Variants in CHM observed in about 807,000 individuals in gnomAD.
CHM encodes the protein CHM Rab escort protein.
A neutral mutation model predicts 49.0 loss-of-function variants in CHM; 10 were observed. The observed-to-expected ratio is 0.20, with a 90% CI of 0.13 to 0.35. The LOEUF (loss-of-function observed/expected upper bound fraction) is 0.35, where lower values mean the gene tolerates loss of function less well. CHM is among the 10% of genes least tolerant of loss of function. CHM has a pLI of 1.00. For synonymous variants in CHM, 184 were observed against 167.5 expected (o/e 1.10, Z -0.76); for missense variants, 455 against 478.4 (o/e 0.95, Z 0.46).
At chrX:86,011,737 C>A (rs1317326058) in intron 2 of CHM, among the ~76,000 whole-genome samples, 1 of 111,005 alleles carries the variant, frequency 9.0e-6, no homozygotes, top group Non-Finnish European at 1.9e-5. Flanking sequence ...CCAGGTAGGC[C>A]CTAATGTAAT....
intron 8 of CHM, among the ~76,000 whole-genome samples, chrX:85,949,640 A>G (rs1216943842): frequency 9.0e-6 from 1 of 110,849 alleles, no homozygotes; most frequent in East Asian, 2.9e-4. Flanking sequence ...TCCTACTTTG[A>G]CAAGTAATCA....
chrX:86,034,611 T>A (rs1365996504), intron 1 of CHM, among the ~76,000 whole-genome samples: 1 of 110,305 alleles, frequency 9.1e-6, no homozygotes, highest in East Asian at 2.9e-4. Context: ...TGAAACCCTG[T>A]CTCTACTAAA....
intron 8 of CHM, among the ~76,000 whole-genome samples, chrX:85,913,105 A>G (rs1927152627): frequency 1.0e-5 from 1 of 95,838 alleles, no homozygotes; most frequent in African/African-American, 3.9e-5. Context: ...CAGGCAGATC[A>G]CCAGATGTCA....
At chrX:85,873,843 T>C (rs1034125232) in intron 13 of CHM, among the ~76,000 whole-genome samples, 4 of 111,771 alleles carry the variant, frequency 3.6e-5, no homozygotes, top group Non-Finnish European at 7.5e-5. Context: ...GGATTAAAAC[T>C]TTGTTGTCCT....
intron 8 of CHM, among the ~76,000 whole-genome samples, chrX:85,932,515 TGAG>T (rs1477691448): frequency 3.6e-5 from 4 of 112,141 alleles, no homozygotes; most frequent in South Asian, 3.7e-4. Flanking sequence ...GCACTGGACA[TGAG>T]TAGTGCAGTC....
chrX:85,943,862 A>G (rs1929261394), intron 8 of CHM, among the ~76,000 whole-genome samples: 1 of 111,784 alleles, frequency 8.9e-6, no homozygotes, highest in Non-Finnish European at 1.9e-5. Context: ...TCAAAACAAT[A>G]TAAAAGAGTT....
At chrX:85,871,477 A>C (rs1201811149) in intron 14 of CHM, among the ~76,000 whole-genome samples, 1 of 109,962 alleles carries the variant, frequency 9.1e-6, no homozygotes, top group African/African-American at 3.3e-5. Flanking sequence ...AGGAATTAGC[A>C]TGCAGTTTAT....
intron 8 of CHM, among the ~76,000 whole-genome samples, chrX:85,941,901 A>G (rs1929131835): frequency 9.0e-6 from 1 of 111,724 alleles, no homozygotes; most frequent in African/African-American, 3.3e-5. Context: ...CAACAGTAAT[A>G]GTAATAACAG....
At chrX:85,955,338 A>T (rs772058439) in intron 8 of CHM, among the ~76,000 whole-genome samples, 1 of 111,722 alleles carries the variant, frequency 9.0e-6, no homozygotes, top group Non-Finnish European at 1.9e-5. Context: ...CCTGTATTAA[A>T]CTATCTCATG....
chrX:85,873,326 G>A (rs182305121), intron 13 of CHM, 114 bp from the exon 14 acceptor site: 7 of 513,427 alleles, frequency 1.4e-5, no homozygotes, highest in African/African-American at 4.8e-5. Context: ...GGAAATCAGA[G>A]CTTCGTATGT....
rs1427402121 is a variant in CHM at position 85,861,750 on chromosome X, A to G, written c.*2880T>C. ...TTAGGTATTGCTTCTCATACTGATC[A>G]CTAAACTAAATGGTATTATCATTTT... On this transcript the variant is annotated 3_prime_UTR_variant, in exon 15 of 15. Coordinates refer to ENST00000357749, the MANE Select transcript of CHM (RefSeq NM_000390.4). 1 of 111,908 alleles carries G rather than the reference A, an allele frequency of 8.9e-6. No individual in the cohort carries two copies. The highest frequency in any genetic ancestry group is 1.9e-5 in the Non-Finnish European group (1 of 53,140). The allele number at this position is 111,908 out of a possible 1,213,427, so 9.2% of individuals were successfully genotyped here. A position where few individuals can be genotyped will look rare whatever the true frequency, so the allele number is the denominator to read the frequency against.
At chrX:85,957,808 T>C in intron 7 of CHM, 47 bp downstream of exon 7, 1 of 1,182,687 alleles carries the variant, frequency 8.5e-7, no homozygotes. Flanking sequence ...ATTAAAATAG[T>C]AAGAAATGTC....
intron 9 of CHM, among the ~76,000 whole-genome samples, chrX:85,904,291 C>T (rs1343795935): frequency 9.0e-6 from 1 of 111,181 alleles, no homozygotes; most frequent in Non-Finnish European, 1.9e-5. Flanking sequence ...TACAGGGACA[C>T]AATGACCAAG....
chrX:85,907,687 T>C (rs1416372878), intron 9 of CHM, among the ~76,000 whole-genome samples: 1 of 111,949 alleles, frequency 8.9e-6, no homozygotes, highest in East Asian at 2.8e-4. Flanking sequence ...CGGTCAAAGT[T>C]TGTACAGTGT....
intron 13 of CHM, among the ~76,000 whole-genome samples, chrX:85,878,444 C>G (rs1250674840): frequency 1.9e-5 from 2 of 107,564 alleles, no homozygotes; most frequent in Non-Finnish European, 3.8e-5. Context: ...CACGCCACTG[C>G]ACTCCAACCT....
intron 2 of CHM, among the ~76,000 whole-genome samples, chrX:85,993,553 A>G (rs953731236): frequency 8.9e-6 from 1 of 112,201 alleles, no homozygotes; most frequent in Non-Finnish European, 1.9e-5. Context: ...AGGTGTTGGC[A>G]AACAGTATTA....
At chrX:85,971,970 A>G (rs1221955671) in intron 4 of CHM, among the ~76,000 whole-genome samples, 1 of 108,153 alleles carries the variant, frequency 9.2e-6, no homozygotes, top group East Asian at 3.0e-4. Flanking sequence ...AGCTAGATAC[A>G]GAGTGCCAAT....
At chrX:85,919,977 A>G (rs1305885002) in intron 8 of CHM, among the ~76,000 whole-genome samples, 1 of 111,888 alleles carries the variant, frequency 8.9e-6, no homozygotes, top group Non-Finnish European at 1.9e-5. Context: ...ACTCCTCTGT[A>G]TGCTATTCTT....
At chrX:86,019,841 A>G (rs1933466933) in intron 2 of CHM, 1 of 111,718 alleles carries the variant, frequency 9.0e-6, no homozygotes, top group African/African-American at 3.2e-5. Context: ...GTAGAAACAG[A>G]AAGATCAATA....
Sources: gnomAD v4.1 joint callset for allele counts (sites outside exome capture counted in the v4.1 genomes callset) on GRCh38, gnomAD v4.1.1 for gene constraint, MANE v1.5 for transcripts, NCBI Gene and HGNC (gene_info 2026-07-23, HGNC 2026-07-21) for gene names.